The following ZC3H12B variants were observed in gnomAD, a reference collection of about 807,000 sequenced individuals.
ZC3H12B encodes zinc finger CCCH-type containing 12B.
Under a neutral mutation model 43.9 loss-of-function variants are expected in ZC3H12B, and 7 were observed. That is an observed-to-expected ratio of 0.16 (90% CI 0.09 to 0.30). ZC3H12B has a LOEUF of 0.30. Ranked by LOEUF, ZC3H12B falls within the 10% of genes least tolerant of loss-of-function variation. The probability of loss-of-function intolerance (pLI) is 1.00; values close to 1 mark genes in which losing one functional copy is unlikely to be tolerated. For synonymous variants in ZC3H12B, 222 were observed against 241.7 expected (o/e 0.92, Z 0.76); for missense variants, 475 against 670.2 (o/e 0.71, Z 3.22).
chrX:65,382,404 C>T (rs1252685839), intron 2 of ZC3H12B, among the ~76,000 whole-genome samples: 2 of 110,548 alleles, frequency 1.8e-5, no homozygotes, highest in Non-Finnish European at 3.8e-5. Flanking sequence ...ATTCAACAAC[C>T]CTTCATGCTA....
At chrX:65,342,057 G>A in the ZC3H12B span, among the ~76,000 whole-genome samples, 1 of 110,634 alleles carries the variant, frequency 9.0e-6, no homozygotes, top group Non-Finnish European at 1.9e-5. Flanking sequence ...TAAAAATAAA[G>A]GTATAGAGAA....
At chrX:65,161,361 G>A in the ZC3H12B span, among the ~76,000 whole-genome samples, 1 of 111,328 alleles carries the variant, frequency 9.0e-6, no homozygotes, top group Non-Finnish European at 1.9e-5. Context: ...TGACAGTGGG[G>A]TGTTAAAATC....
chrX:65,088,230 AG>A, the ZC3H12B span, among the ~76,000 whole-genome samples: 7 of 111,781 alleles, frequency 6.3e-5, no homozygotes, highest in African/African-American at 1.3e-4. Flanking sequence ...CATCTATGAT[AG>A]TACTCTCAAA....
upstream of ZC3H12B, among the ~76,000 whole-genome samples, chrX:65,365,937 T>A (rs2066169805): frequency 9.1e-6 from 1 of 109,728 alleles, no homozygotes; most frequent in Non-Finnish European, 1.9e-5. Context: ...TCAACCCTCC[T>A]GCACCCAGGG....
At chrX:65,072,852 C>G in the ZC3H12B span, among the ~76,000 whole-genome samples, 1 of 112,501 alleles carries the variant, frequency 8.9e-6, no homozygotes, top group South Asian at 3.7e-4. Flanking sequence ...AGGTAGCATG[C>G]CTTGGGCACT....
At chrX:65,306,141 C>A in the ZC3H12B span, among the ~76,000 whole-genome samples, 1 of 112,072 alleles carries the variant, frequency 8.9e-6, no homozygotes, top group Non-Finnish European at 1.9e-5. Context: ...TTCTTATTTT[C>A]TTTTGCCTGT....
At chrX:65,139,691 A>G in the ZC3H12B span, among the ~76,000 whole-genome samples, 1 of 111,834 alleles carries the variant, frequency 8.9e-6, no homozygotes, top group African/African-American at 3.2e-5. Context: ...ACATTTTAAC[A>G]ATATTAATGA....
chrX:65,427,872 T>C (rs1046307557), intron 3 of ZC3H12B, among the ~76,000 whole-genome samples: 4 of 112,104 alleles, frequency 3.6e-5, no homozygotes, highest in Non-Finnish European at 7.5e-5. Flanking sequence ...CTGGTTTTTG[T>C]ACTTCAGTGT....
the ZC3H12B span, among the ~76,000 whole-genome samples, chrX:65,067,428 T>C: frequency 9.0e-6 from 1 of 111,110 alleles, no homozygotes; most frequent in East Asian, 2.9e-4. Flanking sequence ...TCCTGGGTGA[T>C]GTGAGTCCCT....
chrX:65,379,541 G>A (rs889919257), intron 2 of ZC3H12B, among the ~76,000 whole-genome samples: 52 of 112,247 alleles, frequency 4.6e-4, no homozygotes, highest in African/African-American at 1.5e-3. Flanking sequence ...ACTCTAAAAA[G>A]CAGAGCGCCT....
the ZC3H12B span, among the ~76,000 whole-genome samples, chrX:65,154,436 T>C: frequency 8.9e-6 from 1 of 111,986 alleles, no homozygotes; most frequent in Non-Finnish European, 1.9e-5. Context: ...CCCTTCCATC[T>C]TGTTACAAAA....
In ZC3H12B at chrX:65,406,486, G is replaced by C. The variant is rs370700554; in HGVS notation, n.407+7782G>C. On this transcript the variant is annotated intron_variant and non_coding_transcript_variant, in intron 3 of 5. Coordinates refer to the ZC3H12B transcript ENST00000617377. Reference sequence around the variant, plus strand: ...AAAAAAAAAAAGCTCTCATAAAACAGGGGATAGAAAGAACATACCTCAACA... The same window carrying C: ...AAAAAAAAAAAGCTCTCATAAAACACGGGATAGAAAGAACATACCTCAACA... Among the ~76,000 whole-genome samples the C allele has an allele frequency of 1.4e-3, 151 of 105,733 alleles. 2 individuals are homozygous for C. Among genetic ancestry groups the C allele is most frequent in the African/African-American group, 5.1e-3 (148 of 29,066 alleles). The allele number at this position is 105,733 out of a possible 115,157, so 91.8% of individuals were successfully genotyped here.
At chrX:65,154,103 A>G in the ZC3H12B span, among the ~76,000 whole-genome samples, 1 of 111,323 alleles carries the variant, frequency 9.0e-6, no homozygotes, top group African/African-American at 3.3e-5. Flanking sequence ...GGGGGCAGGG[A>G]TAACATTAGG....
chrX:65,271,660 T>G, the ZC3H12B span: 1 of 112,169 alleles, frequency 8.9e-6, no homozygotes, highest in South Asian at 3.7e-4. Context: ...TTATCCTTGA[T>G]TTTGACTTTA....
At chrX:65,459,304 C>G (rs1033821579) in intron 3 of ZC3H12B, among the ~76,000 whole-genome samples, 11 of 111,963 alleles carry the variant, frequency 9.8e-5, no homozygotes, top group African/African-American at 3.6e-4. Flanking sequence ...ACCATTCCTT[C>G]TGGAACTACT....
the ZC3H12B span, among the ~76,000 whole-genome samples, chrX:65,269,366 A>C: frequency 1.0e-5 from 1 of 99,037 alleles, no homozygotes; most frequent in Non-Finnish European, 2.0e-5. Flanking sequence ...AAAACAAAAC[A>C]AAAAAAAAAA....
At chrX:65,166,251 G>A in the ZC3H12B span, among the ~76,000 whole-genome samples, 2 of 110,567 alleles carry the variant, frequency 1.8e-5, no homozygotes, top group Non-Finnish European at 3.8e-5. Context: ...GTGTCCAAGT[G>A]TACTCATTGG....
chrX:65,174,477 C>T, the ZC3H12B span, among the ~76,000 whole-genome samples: 1 of 111,961 alleles, frequency 8.9e-6, no homozygotes, highest in South Asian at 3.7e-4. Context: ...GCTGCGCCCA[C>T]ATCCACCCCT....
the ZC3H12B span, among the ~76,000 whole-genome samples, chrX:65,207,199 C>A: frequency 9.3e-6 from 1 of 107,011 alleles, no homozygotes; most frequent in Non-Finnish European, 1.9e-5. Flanking sequence ...AAAAAAGGTA[C>A]TTGCACACAC....
Sources: allele counts gnomAD v4.1 joint callset (sites outside exome capture counted in the v4.1 genomes callset), GRCh38; gene constraint gnomAD v4.1.1; transcripts MANE v1.5; gene names NCBI Gene and HGNC (gene_info 2026-07-23, HGNC 2026-07-21).